MEIKIN: variants seen among roughly 807,000 people sequenced by gnomAD.
The protein encoded by MEIKIN is meiosis-specific kinetochore protein.
intron 11 of MEIKIN, among the ~76,000 whole-genome samples, chr5:131,848,816 T>C (rs527389283): frequency 2.6e-5 from 4 of 152,276 alleles, no homozygotes; most frequent in Non-Finnish European, 4.4e-5. Flanking sequence ...AAAATTATTA[T>C]AGGCCACAAC....
chr5:131,924,442 T>G (rs1751556392), intron 5 of MEIKIN, among the ~76,000 whole-genome samples: 1 of 152,194 alleles, frequency 6.6e-6, no homozygotes, highest in South Asian at 2.1e-4. Context: ...CCACCAACAG[T>G]GTACAAGGGT....
intron 11 of MEIKIN, among the ~76,000 whole-genome samples, chr5:131,850,734 C>A (rs1209264050): frequency 2.0e-5 from 3 of 151,866 alleles, no homozygotes; most frequent in Non-Finnish European, 4.4e-5. Context: ...GAAGAAAATA[C>A]AGGGCAATAG....
intron 9 of MEIKIN, among the ~76,000 whole-genome samples, chr5:131,872,208 G>C (rs1750517098): frequency 6.6e-6 from 1 of 151,018 alleles, no homozygotes. Context: ...CCGAGCTAAA[G>C]GAGGAAGTTC....
chr5:131,834,622 C>A (rs1301538541), intron 11 of MEIKIN, among the ~76,000 whole-genome samples: 1 of 152,192 alleles, frequency 6.6e-6, no homozygotes, highest in Non-Finnish European at 1.5e-5. Flanking sequence ...AGCATACTGT[C>A]ATCCAGGTTC....
rs775717642 is a variant in MEIKIN, at chr5:131,815,813, G to A, written c.1099+2927C>T. On this transcript the variant is annotated intron_variant, in intron 12 of 12. Coordinates refer to ENST00000442687, the MANE Select transcript of MEIKIN (RefSeq NM_001303622.2). ...GACTGCTAATGGCCCAGACCCATCA[G>A]AAATAAAGTTTGTGTCACCCACCAG... 6.6e-5 allele frequency among the ~76,000 whole-genome samples: 10 copies of A among 152,208 alleles called. 1 individual carries two copies. The highest frequency in any genetic ancestry group is 1.3e-4 in the Non-Finnish European group (9 of 68,040).
chr5:131,858,680 T>C (rs1331118498), intron 9 of MEIKIN, among the ~76,000 whole-genome samples: 1 of 152,146 alleles, frequency 6.6e-6, no homozygotes, highest in Admixed American at 6.5e-5. Flanking sequence ...TTGCAAACTA[T>C]GCATCCGACA....
intron 11 of MEIKIN, 52 bp from the exon 12 acceptor site, chr5:131,818,915 G>C (rs1749422392): frequency 2.5e-6 from 1 of 393,768 alleles, no homozygotes; most frequent in Non-Finnish European, 4.5e-6. Flanking sequence ...TACTACATTT[G>C]TATGTTGCTT....
intron 11 of MEIKIN, among the ~76,000 whole-genome samples, chr5:131,842,882 T>A (rs1749940289): frequency 6.6e-6 from 1 of 152,218 alleles, no homozygotes; most frequent in Non-Finnish European, 1.5e-5. Context: ...CCCTCCACAC[T>A]GCCCTAGTAG....
At chr5:131,874,767 T>C (rs989620132) in intron 9 of MEIKIN, among the ~76,000 whole-genome samples, 3 of 152,158 alleles carry the variant, frequency 2.0e-5, no homozygotes, top group Non-Finnish European at 4.4e-5. Flanking sequence ...GCAAACTGAA[T>C]CCAGCAGCAC....
rs1477471733 is a variant in MEIKIN, at chr5:131,945,170, GCC to G, written c.184_185del (p.Gly62LeufsTer20). 1 of 399,088 alleles carries G rather than the reference GCC, an allele frequency of 2.5e-6. No homozygotes were observed. The highest frequency in any genetic ancestry group is 2.1e-5 in the African/African-American group (1 of 48,644). The allele number at this position is 399,088 out of a possible 1,614,324, so 24.7% of individuals were successfully genotyped here. A position where few individuals can be genotyped will look rare whatever the true frequency, so the allele number is the denominator to read the frequency against. ...KAERSRQGGS[G>X]SGPFSPRLGV... is the part of the protein sequence containing the mutation. ...AGGCTACATACCTGAACGGCCCAGAGCCGCTACCTCCCTGCCTGCTCCGCTCT... is the reference window on the plus strand; with the variant it reads ...AGGCTACATACCTGAACGGCCCAGAGGCTACCTCCCTGCCTGCTCCGCTCT... On this transcript the variant is annotated frameshift_variant, in exon 2 of 13. Coordinates refer to ENST00000442687, the MANE Select transcript of MEIKIN (RefSeq NM_001303622.2). LOFTEE classifies it high-confidence loss of function.
chr5:131,899,274 T>C (rs1561749365), intron 8 of MEIKIN, among the ~76,000 whole-genome samples: 2 of 152,180 alleles, frequency 1.3e-5, no homozygotes, highest in Non-Finnish European at 2.9e-5. Context: ...CAGCTTAAAA[T>C]AATGGATTAT....
chr5:131,843,566 C>A (rs1337346431), intron 11 of MEIKIN, among the ~76,000 whole-genome samples: 1 of 152,176 alleles, frequency 6.6e-6, no homozygotes, highest in African/African-American at 2.4e-5. Flanking sequence ...GTTCAAAGTT[C>A]CACAGATCTT....
At chr5:131,842,920 C>T (rs528864232) in intron 11 of MEIKIN, among the ~76,000 whole-genome samples, 3 of 152,238 alleles carry the variant, frequency 2.0e-5, no homozygotes, top group Non-Finnish European at 4.4e-5. Flanking sequence ...TCTGCCCCTG[C>T]AGCAGACTTC....
intron 10 of MEIKIN, among the ~76,000 whole-genome samples, chr5:131,852,870 C>T (rs1182729342): frequency 3.5e-5 from 2 of 57,458 alleles, no homozygotes; most frequent in Non-Finnish European, 8.2e-5. Flanking sequence ...ATTAGTTTTG[C>T]CACGAAAAAA....
chr5:131,879,557 T>C (rs1750671144), intron 8 of MEIKIN, among the ~76,000 whole-genome samples: 1 of 152,342 alleles, frequency 6.6e-6, no homozygotes, highest in South Asian at 2.1e-4. Flanking sequence ...ATCAAAAACT[T>C]TCCTTGTACC....
At chr5:131,890,432 G>T (rs1750889360) in intron 8 of MEIKIN, among the ~76,000 whole-genome samples, 1 of 151,658 alleles carries the variant, frequency 6.6e-6, no homozygotes, top group South Asian at 2.1e-4. Flanking sequence ...GTCTTGGGAG[G>T]GTCGAGGAAC....
intron 10 of MEIKIN, among the ~76,000 whole-genome samples, chr5:131,853,516 G>C (rs1750148304): frequency 6.6e-6 from 1 of 152,104 alleles, no homozygotes. Context: ...ATTTTACTAT[G>C]ACAAAATAAA....
chr5:131,854,329 TG>T (rs943249416), intron 10 of MEIKIN, among the ~76,000 whole-genome samples: 6 of 151,728 alleles, frequency 4.0e-5, no homozygotes, highest in African/African-American at 1.4e-4. Context: ...TTTCCAGGGG[TG>T]GGGTAGGGAG....
At chr5:131,846,340 A>G (rs1750022729) in intron 11 of MEIKIN, among the ~76,000 whole-genome samples, 1 of 152,204 alleles carries the variant, frequency 6.6e-6, no homozygotes, top group African/African-American at 2.4e-5. Context: ...AGAAATGAAG[A>G]TCTAAATAAA....
Sources: gnomAD v4.1 joint callset for allele counts (sites outside exome capture counted in the v4.1 genomes callset) on GRCh38, gnomAD v4.1.1 for gene constraint, MANE v1.5 for transcripts, NCBI Gene and HGNC (gene_info 2026-07-23, HGNC 2026-07-21) for gene names.